IPO7: variants seen among roughly 807,000 people sequenced by gnomAD.
IPO7 encodes the protein importin 7, also known as importin-7.
In IPO7, 13 loss-of-function variants were observed where a neutral mutation model predicts 136.4. The observed-to-expected ratio is 0.10, with a 90% CI of 0.06 to 0.15. The LOEUF (loss-of-function observed/expected upper bound fraction) is 0.15, where lower values mean the gene tolerates loss of function less well. Among genes scored for constraint, IPO7 ranks in the 10% least tolerant of loss-of-function variants. The pLI is 1.00. For missense variants in IPO7, 857 were observed against 1,240.6 expected, an observed-to-expected ratio of 0.69 and a Z score of 4.65; for synonymous variants, 403 against 404.4, an observed-to-expected ratio of 1.00 and a Z score of 0.04.
At chr11:9,405,441 C>T (rs1489006096) in intron 2 of IPO7, among the ~76,000 whole-genome samples, 1 of 152,220 alleles carries the variant, frequency 6.6e-6, no homozygotes, top group African/African-American at 2.4e-5. Flanking sequence ...TCCCAAAGTG[C>T]TGGGATTACA....
chr11:9,436,870 T>TATATATA (rs1855383009), intron 20 of IPO7, among the ~76,000 whole-genome samples: 9 of 12,946 alleles, frequency 7.0e-4, no homozygotes, highest in African/African-American at 1.2e-3. Flanking sequence ...ATATATATAT[T>TATATATA]TTTTTTTTTT....
intron 22 of IPO7, among the ~76,000 whole-genome samples, chr11:9,439,808 C>G (rs1375153559): frequency 6.6e-6 from 1 of 151,882 alleles, no homozygotes; most frequent in African/African-American, 2.4e-5. Flanking sequence ...CTCCTGACCT[C>G]ATGATCTGCC....
intron 1 of IPO7, among the ~76,000 whole-genome samples, chr11:9,393,731 A>G (rs1346222291): frequency 1.3e-5 from 2 of 152,110 alleles, no homozygotes; most frequent in African/African-American, 4.8e-5. Flanking sequence ...ACCAAAGAGC[A>G]TGAATTACTT....
At position 9,426,909 on chromosome 11, in the gene IPO7, G is replaced by GCC. The variant is rs60903934; in HGVS notation, c.1336-1625_1336-1624dup. Among the ~76,000 whole-genome samples the GCC allele has an allele frequency of 6.8e-4, 102 of 149,438 alleles. 2 individuals are homozygous for GCC. Among genetic ancestry groups the GCC allele is most frequent in the Middle Eastern group, 6.8e-3 (2 of 294 alleles). On this transcript the variant is annotated intron_variant, in intron 12 of 24. Coordinates refer to ENST00000379719, the MANE Select transcript of IPO7 (RefSeq NM_006391.3). ...AAGTAGCTGAGATTTCCGCCTCCCC[G>GCC]CCCCCCCGCCATATGCTGGAGTGCA... is the stretch of plus-strand genomic sequence containing the variant.
intron 1 of IPO7, among the ~76,000 whole-genome samples, chr11:9,396,440 G>A (rs937430086): frequency 5.9e-5 from 9 of 152,084 alleles, no homozygotes; most frequent in African/African-American, 1.9e-4. Context: ...CAGTGTTGTC[G>A]ATTTAACTAT....
chr11:9,409,113 A>AT (rs760836724), intron 3 of IPO7, among the ~76,000 whole-genome samples: 95 of 135,790 alleles, frequency 7.0e-4, no homozygotes, highest in Middle Eastern at 4.8e-3. Context: ...TGCCTTAGTC[A>AT]TTTTTTTTTT....
At chr11:9,423,989 T>C (rs1374103720) in intron 10 of IPO7, 113 bp downstream of exon 10, 3 of 608,296 alleles carry the variant, frequency 4.9e-6, no homozygotes, top group Non-Finnish European at 8.7e-6. Context: ...TTTAATGTAA[T>C]TGATCCCTTG....
chr11:9,407,432 T>C (rs938086696), intron 2 of IPO7, among the ~76,000 whole-genome samples: 1 of 152,090 alleles, frequency 6.6e-6, no homozygotes, highest in Non-Finnish European at 1.5e-5. Flanking sequence ...TGCATGCCTG[T>C]AAACCCAGCT....
intron 24 of IPO7, among the ~76,000 whole-genome samples, chr11:9,443,629 G>A (rs1024594402): frequency 2.1e-5 from 3 of 141,094 alleles, no homozygotes; most frequent in East Asian, 2.0e-4. Flanking sequence ...TTGGCCAGGC[G>A]TGGTGGCTCA....
chr11:9,385,078 C>G (rs1854532880), intron 1 of IPO7, among the ~76,000 whole-genome samples: 1 of 152,102 alleles, frequency 6.6e-6, no homozygotes, highest in Non-Finnish European at 1.5e-5. Flanking sequence ...CCTCTGGCTG[C>G]GGTCTAGGCA....
Position 9,438,045 on chromosome 11 carries a change from GTTTTTTTTTTTTTTTTTTTT to G in IPO7, c.2490-22_2490-3del. On this transcript the variant is annotated splice_polypyrimidine_tract_variant and intron_variant, in intron 21 of 24. Transcript: ENST00000379719. Reference sequence around the variant, plus strand: ...TCTGCTTATTTAAGAAAAGAAAACAGTTTTTTTTTTTTTTTTTTTTTTTTTTTTTTTTAGGCTTCATGACA... The same window carrying G: ...TCTGCTTATTTAAGAAAAGAAAACAGTTTTTTTTTTTTAGGCTTCATGACA... 2.3e-5 allele frequency: 25 copies of G among 1,093,638 alleles called. No individual in the cohort carries two copies. Among genetic ancestry groups the G allele is most frequent in the East Asian group, 3.6e-5 (1 of 27,708 alleles). The allele number at this position is 1,093,638 out of a possible 1,614,324, so 67.7% of individuals were successfully genotyped here. A position where few individuals can be genotyped will look rare whatever the true frequency, so the allele number is the denominator to read the frequency against.
rs71062847 is a variant in IPO7 at position 9,406,104 on chromosome 11, C to CTTTT, written c.167-2357_167-2354dup. Among the ~76,000 whole-genome samples the CTTTT allele has an allele frequency of 5.9e-3, 363 of 61,844 alleles. 114 individuals carry two copies. Among genetic ancestry groups the CTTTT allele is most frequent in the South Asian group, 0.011 (13 of 1,154 alleles). The allele number at this position is 61,844 out of a possible 152,430, so 40.6% of individuals were successfully genotyped here. A position where few individuals can be genotyped will look rare whatever the true frequency, so the allele number is the denominator to read the frequency against. ...ATCTCACTATGTTGCTGAGGCTGGTCTTTTTTTTTTTTTTTTTTTTTTTTT... is the reference window on the plus strand; with the variant it reads ...ATCTCACTATGTTGCTGAGGCTGGTCTTTTTTTTTTTTTTTTTTTTTTTTTTTTT... On this transcript the variant is annotated intron_variant, in intron 2 of 24. Coordinates refer to ENST00000379719, the MANE Select transcript of IPO7 (RefSeq NM_006391.3).
intron 24 of IPO7, 141 bp from the exon 25 acceptor site, chr11:9,444,956 T>TG: frequency 1.6e-6 from 1 of 630,218 alleles, no homozygotes; most frequent in Non-Finnish European, 2.9e-6. Flanking sequence ...CCCTTGCCCT[T>TG]ATACATTGGA....
In IPO7 at chr11:9,414,161, T is replaced by G. The variant is rs891061740; in HGVS notation, c.480-94T>G. 4.5e-6 allele frequency: 4 copies of G among 890,786 alleles called. No homozygotes were observed. The African/African-American group carries it at 5.2e-5, about 12-fold the overall frequency. 55.2% of individuals were successfully genotyped at this position (890,786 alleles called of 1,614,324 possible). A position where few individuals can be genotyped will look rare whatever the true frequency, so the allele number is the denominator to read the frequency against. On this transcript the variant is annotated intron_variant, in intron 4 of 24. Transcript: ENST00000379719. ...TTTTTCTAAATTGGTTAAGAAGTAT[T>G]TGATTATATTTGTGTAAATAAATGC...
chr11:9,426,317 T>C (rs1565000540), intron 12 of IPO7, among the ~76,000 whole-genome samples: 1 of 152,220 alleles, frequency 6.6e-6, no homozygotes, highest in Non-Finnish European at 1.5e-5. Flanking sequence ...AGTGTAATGT[T>C]TTCAAGGATT....
intron 16 of IPO7, among the ~76,000 whole-genome samples, chr11:9,432,182 C>T (rs1188186454): frequency 2.0e-5 from 3 of 150,950 alleles, no homozygotes; most frequent in South Asian, 4.2e-4. Flanking sequence ...CCTTTTGCAG[C>T]ATGAGGTTTT....
intron 9 of IPO7, 114 bp downstream of exon 9, chr11:9,423,254 G>C: frequency 1.6e-6 from 1 of 619,388 alleles, no homozygotes; most frequent in South Asian, 3.0e-5. Context: ...GACTACTTCT[G>C]GTGATTGTTT....
At position 9,410,082 on chromosome 11, in the gene IPO7, T is replaced by G. The variant is rs1260964725; in HGVS notation, c.475T>G (p.Tyr159Asp). 1 of 1,579,694 alleles carries G rather than the reference T, an allele frequency of 6.3e-7. No homozygotes were observed. The highest frequency in any genetic ancestry group is 8.6e-7 in the Non-Finnish European group (1 of 1,166,028). ...TTGCCTTTATCAGCTTGTGAAAAATTATGAGTAAGTGTTTCTTTCAACTCC... is the reference window on the plus strand; with the variant it reads ...TTGCCTTTATCAGCTTGTGAAAAATGATGAGTAAGTGTTTCTTTCAACTCC... ...LLCLYQLVKN[Y>D]EYKKPEERSP... is the part of the protein sequence containing the mutation. Residue 159 changes from tyrosine to aspartate, a missense_variant, in exon 4 of 25, where the codon TAT becomes GAT. Physicochemically the swap from Tyr to Asp is radical, Grantham distance 160 (BLOSUM62 -3). Around this residue, in one of 11 missense-constraint regions of IPO7, gnomAD observed 287 missense variants for 307.5 expected, o/e 0.93. Coordinates refer to ENST00000379719, the MANE Select transcript of IPO7 (RefSeq NM_006391.3).
At position 9,442,499 on chromosome 11, in the gene IPO7, T is replaced by C. The variant is rs186646883; in HGVS notation, c.3019+302T>C. Among the ~76,000 whole-genome samples the C allele has an allele frequency of 4.5e-3, 688 of 152,096 alleles. 4 individuals are homozygous for C. Among genetic ancestry groups the C allele is most frequent in the African/African-American group, 0.015 (641 of 41,532 alleles). On this transcript the variant is annotated intron_variant, in intron 24 of 24. Coordinates refer to ENST00000379719, the MANE Select transcript of IPO7 (RefSeq NM_006391.3). ...TGCGATGTCAGCTCACTGCAAGCTC[T>C]ACCTCCCGGGTTCATGCCATTCTCC...
Sources: gnomAD v4.1 joint callset for allele counts (sites outside exome capture counted in the v4.1 genomes callset) on GRCh38, gnomAD v4.1.1 for gene constraint, gnomAD v4.1.1 regional missense constraint, MANE v1.5 for transcripts, NCBI Gene and HGNC (gene_info 2026-07-23, HGNC 2026-07-21) for gene names.